KLHL26: variants seen among roughly 807,000 people sequenced by gnomAD.
The protein encoded by KLHL26 is kelch like family member 26.
KLHL26 carries 4 observed loss-of-function variants against 7.1 expected under a neutral mutation model. That is an observed-to-expected ratio of 0.56 (90% CI 0.28 to 1.28). KLHL26 has a LOEUF of 1.28. Ranked by LOEUF, KLHL26 falls within the 50% of genes most tolerant of loss-of-function variation. The pLI is 0.11. For synonymous variants in KLHL26, 465 were observed against 414.1 expected (o/e 1.12, Z -1.49); for missense variants, 896 against 924.6 (o/e 0.97, Z 0.40).
At chr19:18,640,256 A>G (rs888061309) in intron 1 of KLHL26, among the ~76,000 whole-genome samples, 1 of 151,738 alleles carries the variant, frequency 6.6e-6, no homozygotes, top group Non-Finnish European at 1.5e-5. Flanking sequence ...TTTTTTTGAG[A>G]CAGGGTCTCA....
chr19:18,653,263 A>C (rs1034901601), intron 1 of KLHL26, among the ~76,000 whole-genome samples: 4 of 145,782 alleles, frequency 2.7e-5, no homozygotes, highest in Non-Finnish European at 4.6e-5. Context: ...TCCACCATTC[A>C]TCTATCTGCC....
chr19:18,666,092 G>A (rs938366517), intron 2 of KLHL26, among the ~76,000 whole-genome samples: 4 of 152,342 alleles, frequency 2.6e-5, no homozygotes, highest in East Asian at 3.9e-4. Context: ...TGTCGCCTGC[G>A]ACCGCCTCTG....
intron 1 of KLHL26, among the ~76,000 whole-genome samples, chr19:18,642,072 A>G (rs1030398851): frequency 1.3e-5 from 2 of 152,178 alleles, no homozygotes; most frequent in African/African-American, 4.8e-5. Context: ...GCATGCAGAA[A>G]ATGGATCATA....
chr19:18,638,218 ATACT>A (rs1468527788), intron 1 of KLHL26, among the ~76,000 whole-genome samples: 7 of 152,320 alleles, frequency 4.6e-5, no homozygotes, highest in Admixed American at 1.3e-4. Flanking sequence ...AAGTTGTTTG[ATACT>A]TACGTGCTGT....
chr19:18,663,381 GTGCC>G (rs1568461859), intron 1 of KLHL26, among the ~76,000 whole-genome samples: 1 of 152,206 alleles, frequency 6.6e-6, no homozygotes, highest in East Asian at 1.9e-4. Context: ...TGTTGACTGA[GTGCC>G]CACTGTGTGC....
chr19:18,670,686 C>G lies in KLHL26; in HGVS notation c.*1441C>G, dbSNP rs2145417698. ...CAGCAGGAAGCGTGGCCAGGACTTT[C>G]ACCCTGGCGTTTTTTGTTGTTGGTT... On this transcript the variant is annotated 3_prime_UTR_variant, in exon 3 of 3. Coordinates refer to ENST00000300976, the MANE Select transcript of KLHL26 (RefSeq NM_018316.3). The G allele has an allele frequency of 6.6e-6, 1 of 152,354 alleles. No individual in the cohort carries two copies. The highest frequency in any genetic ancestry group is 2.1e-4 in the South Asian group (1 of 4,822). The allele number at this position is 152,354 out of a possible 1,614,324, so 9.4% of individuals were successfully genotyped here.
At chr19:18,639,465 A>G (rs1257641207) in intron 1 of KLHL26, among the ~76,000 whole-genome samples, 2 of 126,520 alleles carry the variant, frequency 1.6e-5, no homozygotes, top group Non-Finnish European at 3.1e-5. Context: ...GCTGGAGTGC[A>G]GTAGTGTGAT....
intron 1 of KLHL26, among the ~76,000 whole-genome samples, chr19:18,657,873 G>A (rs941949757): frequency 1.3e-5 from 2 of 152,188 alleles, no homozygotes; most frequent in African/African-American, 4.8e-5. Flanking sequence ...GGGAAAGCTT[G>A]CTGACGTGAG....
intron 1 of KLHL26, among the ~76,000 whole-genome samples, chr19:18,652,701 C>T (rs190125630): frequency 3.3e-5 from 5 of 152,216 alleles, no homozygotes; most frequent in South Asian, 2.1e-4. Context: ...CCCTGGCCAG[C>T]AGCAAGCTCT....
intron 1 of KLHL26, among the ~76,000 whole-genome samples, chr19:18,653,507 AC>A: frequency 1.3e-5 from 1 of 76,382 alleles, no homozygotes; most frequent in Non-Finnish European, 2.6e-5. Context: ...CCTTCCATCT[AC>A]CCACCCACCC....
rs1279632930 is a variant in KLHL26 at position 18,660,244 on chromosome 19, C to T, written c.84-4017C>T. Among the ~76,000 whole-genome samples the T allele has an allele frequency of 3.3e-5, 5 of 152,156 alleles. No homozygotes were observed. In the East Asian group the frequency reaches 7.7e-4, roughly 24 times the overall value. On this transcript the variant is annotated intron_variant, in intron 1 of 2. Transcript: ENST00000300976. The stretch of plus-strand genomic sequence containing the variant: ...CAGGCCTGGGCCTGGCTAGGGTGCC[C>T]GATGACATTGCTGGGGGGATACAGC...
At chr19:18,645,050 C>T (rs1379980993) in intron 1 of KLHL26, among the ~76,000 whole-genome samples, 3 of 152,170 alleles carry the variant, frequency 2.0e-5, no homozygotes, top group Non-Finnish European at 4.4e-5. Context: ...CAACAAAAAA[C>T]CCGTTGCCTA....
intron 1 of KLHL26, among the ~76,000 whole-genome samples, chr19:18,658,461 C>T (rs187690349): frequency 5.8e-4 from 89 of 152,182 alleles, no homozygotes; most frequent in African/African-American, 2.1e-3. Flanking sequence ...GTTCCTCTCT[C>T]CCTGTATTTC....
Position 18,646,728 on chromosome 19 carries a change from G to A in KLHL26, c.83+9591G>A, listed in dbSNP as rs997339415. Among the ~76,000 whole-genome samples, 5 of 152,222 alleles carry A rather than the reference G, an allele frequency of 3.3e-5. No individual in the cohort carries two copies. The highest frequency in any genetic ancestry group is 9.6e-5 in the African/African-American group (4 of 41,470). On this transcript the variant is annotated intron_variant, in intron 1 of 2. Transcript: ENST00000300976. This position sits in a 1 kb window ranked among gnomAD's most constrained non-coding sequence, Gnocchi z 5.0. Reference sequence around the variant, plus strand: ...TGCCATCCTTCTGCCCGCCATGCCCGCATGGGCCTTGAGGGGATCGTCAAT... The same window carrying A: ...TGCCATCCTTCTGCCCGCCATGCCCACATGGGCCTTGAGGGGATCGTCAAT...
chr19:18,652,379 C>T (rs1016573878), intron 1 of KLHL26, among the ~76,000 whole-genome samples: 7 of 151,852 alleles, frequency 4.6e-5, no homozygotes, highest in Admixed American at 2.6e-4. Context: ...CACCTGAGGC[C>T]GAGAGTTCGA....
At chr19:18,659,390 A>G (rs1441640454) in intron 1 of KLHL26, among the ~76,000 whole-genome samples, 1 of 152,214 alleles carries the variant, frequency 6.6e-6, no homozygotes, top group Non-Finnish European at 1.5e-5. Context: ...GCATCGCATC[A>G]GCCGGGGTGG....
chr19:18,648,808 G>A lies in KLHL26; in HGVS notation c.83+11671G>A, dbSNP rs932967724. Among the ~76,000 whole-genome samples the A allele has an allele frequency of 3.3e-5, 5 of 152,006 alleles. No individual in the cohort carries two copies. The highest frequency in any genetic ancestry group is 1.2e-4 in the African/African-American group (5 of 41,356). On this transcript the variant is annotated intron_variant, in intron 1 of 2. Coordinates refer to ENST00000300976, the MANE Select transcript of KLHL26 (RefSeq NM_018316.3). This position sits in a 1 kb window ranked among gnomAD's most constrained non-coding sequence, Gnocchi z 4.9. ...AGCATCTCTTGTGGGTTCCACCTTC[G>A]AGCCACAGCCTGGAGCCAGCTCCTC... is the stretch of plus-strand genomic sequence containing the variant.
rs1976851371 is a variant in KLHL26, at chr19:18,648,935, C to G, written c.83+11798C>G. The stretch of plus-strand genomic sequence containing the variant: ...AGCGGGACCCTCCTAAGGCAGGAAT[C>G]AGACCACCTCACTCCCCTGCCGGCC... On this transcript the variant is annotated intron_variant, in intron 1 of 2. Transcript: ENST00000300976. The surrounding 1 kb of genome is among the most constrained non-coding windows in gnomAD (Gnocchi z 4.9). Among the ~76,000 whole-genome samples, 1 of 152,208 alleles carries G rather than the reference C, an allele frequency of 6.6e-6. No individual in the cohort carries two copies. The highest frequency in any genetic ancestry group is 6.5e-5 in the Admixed American group (1 of 15,274).
At chr19:18,659,518 C>G (rs533546993) in intron 1 of KLHL26, among the ~76,000 whole-genome samples, 83 of 152,368 alleles carry the variant, frequency 5.4e-4, no homozygotes, top group African/African-American at 1.7e-3. Flanking sequence ...GGACTGCGCG[C>G]GTCAGAACCG....
Sources: allele counts gnomAD v4.1 joint callset (sites outside exome capture counted in the v4.1 genomes callset), GRCh38; gene constraint gnomAD v4.1.1; non-coding constraint Gnocchi (gnomAD v3.1); transcripts MANE v1.5; gene names NCBI Gene and HGNC (gene_info 2026-07-23, HGNC 2026-07-21).